The following COL3A1 variants were observed in gnomAD, a reference collection of about 807,000 sequenced individuals.
The protein encoded by COL3A1 is collagen alpha-1(III) chain.
COL3A1 carries 46 observed loss-of-function variants against 200.9 expected under a neutral mutation model. That is an observed-to-expected ratio of 0.23 (90% CI 0.18 to 0.29). The LOEUF (loss-of-function observed/expected upper bound fraction) is 0.29. Among genes scored for constraint, COL3A1 ranks in the 10% least tolerant of loss-of-function variants. COL3A1 has a pLI of 1.00. For synonymous variants in COL3A1, 650 were observed against 628.0 expected, an observed-to-expected ratio of 1.03 and a Z score of -0.52; for missense variants, 1,367 against 1,917.6, an observed-to-expected ratio of 0.71 and a Z score of 5.36.
chr2:188,987,584 A>T (rs528656117), intron 5 of COL3A1, among the ~76,000 whole-genome samples: 6 of 152,108 alleles, frequency 3.9e-5, no homozygotes, highest in Non-Finnish European at 5.9e-5. Flanking sequence ...TTGCATGATC[A>T]TATAAATCTC....
At position 188,987,128 on chromosome 2, in the gene COL3A1, C is replaced by G; in HGVS notation, c.517C>G (p.Pro173Ala). 4 of 1,611,962 alleles carry G rather than the reference C, an allele frequency of 2.5e-6. No homozygotes were observed. The highest frequency in any genetic ancestry group is 2.5e-6 in the Non-Finnish European group (3 of 1,178,404). ...AGCAGTAGGAGGACTCGCAGGCTATCCTGGACCAGCTGTACGTACAAATGT... is the reference window on the plus strand; with the variant it reads ...AGCAGTAGGAGGACTCGCAGGCTATGCTGGACCAGCTGTACGTACAAATGT... ...GVAVGGLAGY[P>A]GPAGPPGPPG... Residue 173 changes from proline (P) to alanine (A), a missense_variant, in exon 5 of 51, where the codon CCT (proline) becomes GCT (alanine). Pro to Ala is a conservative substitution (Grantham distance 27, BLOSUM62 -1). Around this residue, in one of 5 missense-constraint regions of COL3A1, gnomAD observed 462 missense variants for 681.4 expected, o/e 0.68. Transcript: ENST00000304636.
rs149852181 is a variant in COL3A1, at chr2:188,994,584, G to A, written c.1337G>A (p.Arg446His). ...KNGAKGEPGP[R>H]GERGEAGIPG... ...GGTGCCAAAGGAGAGCCCGGACCAC[G>A]TGGTGAACGCGTAAGTTTTACTGCA... Residue 446 changes from arginine (R) to histidine (H), a missense_variant, in exon 19 of 51, where the codon CGT becomes CAT. This residue lies in a region of COL3A1 where 462 missense variants were observed against 681.4 expected (regional missense o/e 0.68). Coordinates refer to ENST00000304636, the MANE Select transcript of COL3A1 (RefSeq NM_000090.4). The surrounding 1 kb of genome is among the most constrained non-coding windows in gnomAD (Gnocchi z 4.5). 5.3e-5 allele frequency: 86 copies of A among 1,614,020 alleles called. No homozygotes were observed. The South Asian group carries it at 8.0e-4, about 15-fold the overall frequency.
chr2:188,991,346 A>T, intron 11 of COL3A1, 141 bp from the exon 12 acceptor site: 1 of 654,014 alleles, frequency 1.5e-6, no homozygotes, highest in South Asian at 2.8e-5. Flanking sequence ...TGGTAAATAA[A>T]ATACTAACAG....
Position 189,011,823 on chromosome 2 carries a change from G to A in COL3A1, c.*49G>A, listed in dbSNP as rs1473256993. 8 of 1,599,348 alleles carry A rather than the reference G, an allele frequency of 5.0e-6. No individual in the cohort carries two copies. In the South Asian group the frequency reaches 6.6e-5, roughly 13 times the overall value. On this transcript the variant is annotated 3_prime_UTR_variant, in exon 51 of 51. Transcript: ENST00000304636. Reference sequence around the variant, plus strand: ...ACAAAAAAAATTTAACTCCATATGTGTTCCTCTTGTTCTAATCTTGTCAAC... The same window carrying A: ...ACAAAAAAAATTTAACTCCATATGTATTCCTCTTGTTCTAATCTTGTCAAC...
Position 189,011,750 on chromosome 2 carries a change from C to T in COL3A1, c.4377C>T (p.Asp1459=), listed in dbSNP as rs754741078. 10 of 1,613,908 alleles carry T rather than the reference C, an allele frequency of 6.2e-6. No individual in the cohort carries two copies. The highest frequency in any genetic ancestry group is 2.2e-5 in the East Asian group (1 of 44,876). ...IGGPDQEFGV[D]VGPVCFL is the part of the protein sequence containing the mutation. ...GTCCTGATCAAGAATTTGGTGTGGA[C>T]GTTGGCCCTGTTTGCTTTTTATAAA... is the stretch of plus-strand genomic sequence containing the variant. Residue 1459 remains aspartate, a synonymous_variant, in exon 51 of 51, where the codon GAC becomes GAT. Coordinates refer to ENST00000304636, the MANE Select transcript of COL3A1 (RefSeq NM_000090.4).
chr2:188,981,170 G>A (rs958984384), intron 1 of COL3A1, among the ~76,000 whole-genome samples: 6 of 151,416 alleles, frequency 4.0e-5, no homozygotes, highest in South Asian at 2.1e-4. Flanking sequence ...TCACAAAATA[G>A]TAAGCTTTAT....
In COL3A1 at chr2:188,994,431, A is replaced by T. The variant is rs1214774163; in HGVS notation, c.1293+99A>T. On this transcript the variant is annotated intron_variant, in intron 18 of 50. Transcript: ENST00000304636. The surrounding 1 kb of genome is among the most constrained non-coding windows in gnomAD (Gnocchi z 4.5). Reference sequence around the variant, plus strand: ...ATTTTGCTCCTGTTCAGTTGAATTTATATTGACTTCACTCTTGTCTTATAA... The same window carrying T: ...ATTTTGCTCCTGTTCAGTTGAATTTTTATTGACTTCACTCTTGTCTTATAA... 8 of 1,569,144 alleles carry T rather than the reference A, an allele frequency of 5.1e-6. No individual in the cohort carries two copies. The Admixed American group carries it at 1.4e-4, about 27-fold the overall frequency.
chr2:189,005,594 C>G (rs1170739877), intron 41 of COL3A1, 137 bp downstream of exon 41: 6 of 743,206 alleles, frequency 8.1e-6, no homozygotes, highest in Non-Finnish European at 1.4e-5. Context: ...AACAGAAATT[C>G]TTTCATTACA....
intron 48 of COL3A1, 114 bp downstream of exon 48, chr2:189,009,335 A>G: frequency 1.5e-6 from 2 of 1,296,416 alleles, no homozygotes; most frequent in South Asian, 2.6e-5. Flanking sequence ...ATAGTACTTT[A>G]AGAAAGTTAA....
intron 29 of COL3A1, 67 bp from the exon 30 acceptor site, chr2:188,999,218 C>A: frequency 7.1e-7 from 1 of 1,399,054 alleles, no homozygotes; most frequent in Non-Finnish European, 9.9e-7. Context: ...CAAAATGATG[C>A]AAGTTAAGGT....
chr2:188,997,734 CT>C lies in COL3A1; in HGVS notation c.1905del (p.Gly636ValfsTer155). 1 of 1,614,000 alleles carries C rather than the reference CT, an allele frequency of 6.2e-7. No homozygotes were observed. Among genetic ancestry groups the C allele is most frequent in the South Asian group, 1.1e-5 (1 of 91,076 alleles). On this transcript the variant is annotated frameshift_variant, in exon 27 of 51. Coordinates refer to ENST00000304636, the MANE Select transcript of COL3A1 (RefSeq NM_000090.4). LOFTEE classifies it high-confidence loss of function. The part of the protein sequence containing the change: ...PGGDKGDTGP[P>X]GPQGLQGLPG... ...GGTGACAAAGGAGACACAGGACCCC[CT>C]GGTCCACAAGGATTACAAGTAAGAA...
chr2:188,999,615 G>A, intron 31 of COL3A1, 38 bp downstream of exon 31: 1 of 1,588,894 alleles, frequency 6.3e-7, no homozygotes, highest in Non-Finnish European at 8.6e-7. Context: ...CAATAAATCA[G>A]TCATTGTAGG....
chr2:189,007,038 A>G (rs1346436138), intron 44 of COL3A1, 48 bp downstream of exon 44: 1 of 1,482,568 alleles, frequency 6.7e-7, no homozygotes, highest in Non-Finnish European at 9.2e-7. Context: ...TCTTTTTTTA[A>G]CTCATTCTAC....
intron 1 of COL3A1, among the ~76,000 whole-genome samples, chr2:188,978,854 G>GA (rs1308766352): frequency 6.6e-6 from 1 of 151,416 alleles, no homozygotes; most frequent in Non-Finnish European, 1.5e-5. Context: ...GATGACAACG[G>GA]AAAAAATGAG....
rs1688268227 is a variant in COL3A1 at position 188,994,818 on chromosome 2, C to G, written c.1442C>G (p.Ala481Gly). 3 of 1,613,342 alleles carry G rather than the reference C, an allele frequency of 1.9e-6. No individual in the cohort carries two copies. In the South Asian group the frequency reaches 3.3e-5, roughly 18 times the overall value. ...GEPGANGLPG[A>G]AGERGAPGFR... ...CCTGGTGCAAATGGGCTTCCAGGAGCTGCAGGAGAAAGGGTACGTTTTCCA... is the reference window on the plus strand; with the variant it reads ...CCTGGTGCAAATGGGCTTCCAGGAGGTGCAGGAGAAAGGGTACGTTTTCCA... The change falls in exon 20 of 51, where the codon GCT (alanine) becomes GGT (glycine). Residue 481 changes from alanine to glycine, a missense_variant. Physicochemically the swap from Ala to Gly is moderately conservative, Grantham distance 60 (BLOSUM62 0). Around this residue, in one of 5 missense-constraint regions of COL3A1, gnomAD observed 462 missense variants for 681.4 expected, o/e 0.68. Transcript: ENST00000304636. The surrounding 1 kb of genome is among the most constrained non-coding windows in gnomAD (Gnocchi z 4.5).
chr2:188,996,485 A>G lies in COL3A1; in HGVS notation c.1750A>G (p.Lys584Glu), dbSNP rs1349550235. The G allele has an allele frequency of 6.2e-7, 1 of 1,613,586 alleles. No individual in the cohort carries two copies. The highest frequency in any genetic ancestry group is 2.2e-5 in the East Asian group (1 of 44,816). The change falls in exon 24 of 51, where the codon AAA (lysine) becomes GAA (glutamate). Residue 584 changes from lysine to glutamate, a missense_variant. Around this residue, in one of 5 missense-constraint regions of COL3A1, gnomAD observed 1 missense variants for 19.5 expected, o/e 0.05. Transcript: ENST00000304636. ...QPGVMGFPGPKGNDGAPGKNG... is the reference protein window; with the variant it reads ...QPGVMGFPGPEGNDGAPGKNG... Reference sequence around the variant, plus strand: ...TGGTGTCATGGGCTTCCCCGGTCCTAAAGGAAATGATGTGAGTTCCTTCAT... The same window carrying G: ...TGGTGTCATGGGCTTCCCCGGTCCTGAAGGAAATGATGTGAGTTCCTTCAT...
chr2:188,979,427 A>T (rs1687903736), intron 1 of COL3A1, among the ~76,000 whole-genome samples: 1 of 151,882 alleles, frequency 6.6e-6, no homozygotes, highest in Non-Finnish European at 1.5e-5. Flanking sequence ...ATATTTTTGC[A>T]TTGGATGCAG....
chr2:189,001,289 T>C, intron 32 of COL3A1, 108 bp from the exon 33 acceptor site: 1 of 1,088,220 alleles, frequency 9.2e-7, no homozygotes, highest in Non-Finnish European at 1.4e-6. Context: ...TTTTAAAAAG[T>C]ATGTTATCTA....
chr2:189,007,165 A>C (rs1576472352), intron 44 of COL3A1, among the ~76,000 whole-genome samples, 175 bp downstream of exon 44: 1 of 4,046 alleles, frequency 2.5e-4, no homozygotes. Flanking sequence ...GATAGATGAT[A>C]GATAGATAGA....
Sources: allele counts gnomAD v4.1 joint callset (sites outside exome capture counted in the v4.1 genomes callset), GRCh38; gene constraint gnomAD v4.1.1; regional missense constraint gnomAD v4.1.1; non-coding constraint Gnocchi (gnomAD v3.1); transcripts MANE v1.5; gene names NCBI Gene and HGNC (gene_info 2026-07-23, HGNC 2026-07-21).